Variants in PRTFDC1 observed in about 807,000 individuals in gnomAD.
PRTFDC1 encodes the protein phosphoribosyltransferase domain-containing protein 1.
A neutral mutation model predicts 34.6 loss-of-function variants in PRTFDC1; 38 were observed. The observed-to-expected ratio is 1.10, with a 90% CI of 0.85 to 1.44. The LOEUF (loss-of-function observed/expected upper bound fraction) is 1.44, where lower values mean the gene tolerates loss of function less well. Ranked by LOEUF, PRTFDC1 falls within the 40% of genes most tolerant of loss-of-function variation. PRTFDC1 has a pLI of 0.00. For synonymous variants in PRTFDC1, 93 were observed against 98.1 expected, an observed-to-expected ratio of 0.95 and a Z score of 0.31; for missense variants, 270 against 283.0, an observed-to-expected ratio of 0.95 and a Z score of 0.33.
chr10:24,862,243 A>G (rs1233495129), intron 4 of PRTFDC1, among the ~76,000 whole-genome samples: 1 of 152,196 alleles, frequency 6.6e-6, no homozygotes, highest in East Asian at 1.9e-4. Flanking sequence ...CCTACTATAT[A>G]TTCAAATTTC....
intron 3 of PRTFDC1, among the ~76,000 whole-genome samples, chr10:24,890,050 G>A (rs1848234497): frequency 6.6e-6 from 1 of 152,176 alleles, no homozygotes; most frequent in African/African-American, 2.4e-5. Flanking sequence ...AGGAATAAAT[G>A]TATCCTCTAA....
chr10:24,938,089 G>A (rs1017210868), intron 2 of PRTFDC1, among the ~76,000 whole-genome samples: 1 of 151,828 alleles, frequency 6.6e-6, no homozygotes, highest in African/African-American at 2.4e-5. Flanking sequence ...AGCCGGGCAT[G>A]GTGGCGGGTG....
At chr10:24,939,233 G>A (rs1009998966) in intron 2 of PRTFDC1, among the ~76,000 whole-genome samples, 2 of 150,596 alleles carry the variant, frequency 1.3e-5, no homozygotes, top group African/African-American at 2.4e-5. Flanking sequence ...CCCAGGAGGC[G>A]GAGGTTGCAG....
intron 2 of PRTFDC1, among the ~76,000 whole-genome samples, chr10:24,941,563 T>C (rs546246471): frequency 4.5e-4 from 68 of 152,206 alleles, no homozygotes; most frequent in African/African-American, 1.6e-3. Flanking sequence ...CCCTAGAATA[T>C]CGATTTGAAA....
chr10:24,892,277 G>A (rs1848276202), intron 3 of PRTFDC1, among the ~76,000 whole-genome samples: 1 of 152,138 alleles, frequency 6.6e-6, no homozygotes, highest in Non-Finnish European at 1.5e-5. Flanking sequence ...ATGAGCCATT[G>A]CAACTGACCT....
At chr10:24,874,070 GC>G (rs1847922037) in intron 3 of PRTFDC1, among the ~76,000 whole-genome samples, 1 of 151,412 alleles carries the variant, frequency 6.6e-6, no homozygotes, top group South Asian at 2.1e-4. Context: ...ACTATGCCTG[GC>G]CAAATATATT....
intron 3 of PRTFDC1, among the ~76,000 whole-genome samples, chr10:24,896,152 TG>T (rs1379124738): frequency 6.6e-6 from 1 of 152,100 alleles, no homozygotes; most frequent in Non-Finnish European, 1.5e-5. Flanking sequence ...CTGTGGTCGT[TG>T]GGAACAGGGC....
chr10:24,855,284 C>A (rs768812170), intron 7 of PRTFDC1, 34 bp downstream of exon 7: 2 of 1,591,610 alleles, frequency 1.3e-6, no homozygotes, highest in South Asian at 2.2e-5. Flanking sequence ...ACAAAACAAA[C>A]AAACAAACAA....
chr10:24,947,897 C>T (rs1446018859), intron 1 of PRTFDC1, among the ~76,000 whole-genome samples: 2 of 152,024 alleles, frequency 1.3e-5, no homozygotes, highest in Non-Finnish European at 2.9e-5. Flanking sequence ...GGGAAGGGCC[C>T]CACCTCACAA....
At chr10:24,904,261 TACAC>T (rs10585982) in intron 3 of PRTFDC1, among the ~76,000 whole-genome samples, 70,390 of 147,974 alleles carry the variant, frequency 0.48, 16,857 homozygotes, top group Non-Finnish European at 0.52. Context: ...TAAAATGTAA[TACAC>T]ACACACACAC....
intron 3 of PRTFDC1, chr10:24,908,309 C>G (rs1848567893): frequency 1.4e-6 from 1 of 711,334 alleles, no homozygotes; most frequent in Non-Finnish European, 2.2e-6. Context: ...CATTGTATTT[C>G]AAGGCAATAT....
At chr10:24,947,653 T>C (rs889025850) in intron 1 of PRTFDC1, among the ~76,000 whole-genome samples, 1 of 152,078 alleles carries the variant, frequency 6.6e-6, no homozygotes, top group Non-Finnish European at 1.5e-5. Flanking sequence ...TTAGACTATT[T>C]TTTGCATCAT....
At chr10:24,899,090 T>C (rs1431856524) in intron 3 of PRTFDC1, among the ~76,000 whole-genome samples, 1 of 152,182 alleles carries the variant, frequency 6.6e-6, no homozygotes, top group African/African-American at 2.4e-5. Flanking sequence ...TATGGCACTT[T>C]GTTACAGCAG....
chr10:24,863,117 G>A (rs559025411), intron 4 of PRTFDC1, among the ~76,000 whole-genome samples: 1 of 152,300 alleles, frequency 6.6e-6, no homozygotes, highest in African/African-American at 2.4e-5. Context: ...GACCTCAGGT[G>A]ATCCGCTGGC....
chr10:24,882,681 AT>A (rs1382849456), intron 3 of PRTFDC1, among the ~76,000 whole-genome samples: 1 of 151,726 alleles, frequency 6.6e-6, no homozygotes, highest in Non-Finnish European at 1.5e-5. Context: ...ATTTTTATTT[AT>A]TTTTTTAGAG....
intron 3 of PRTFDC1, among the ~76,000 whole-genome samples, chr10:24,897,676 G>C (rs74424565): frequency 1.3e-5 from 2 of 152,034 alleles, no homozygotes; most frequent in African/African-American, 4.8e-5. Flanking sequence ...ACAATGAGGT[G>C]GCCCTTTTGG....
chr10:24,928,587 G>C (rs1282545775), intron 3 of PRTFDC1, among the ~76,000 whole-genome samples: 1 of 152,090 alleles, frequency 6.6e-6, no homozygotes, highest in Non-Finnish European at 1.5e-5. Flanking sequence ...GGGATTACAC[G>C]TGCCCACCAC....
chr10:24,867,103 T>A (rs536391803), intron 4 of PRTFDC1, among the ~76,000 whole-genome samples: 2 of 152,082 alleles, frequency 1.3e-5, no homozygotes, highest in African/African-American at 4.8e-5. Flanking sequence ...TAATCCCATG[T>A]CTTCAAGGGC....
intron 3 of PRTFDC1, among the ~76,000 whole-genome samples, chr10:24,890,736 TA>T (rs1848246270): frequency 2.0e-5 from 3 of 152,282 alleles, no homozygotes; most frequent in African/African-American, 7.2e-5. Context: ...TGGGAGGAGT[TA>T]AAGGCCAGAA....
Sources: allele counts gnomAD v4.1 joint callset (sites outside exome capture counted in the v4.1 genomes callset), GRCh38; gene constraint gnomAD v4.1.1; transcripts MANE v1.5; gene names NCBI Gene and HGNC (gene_info 2026-07-23, HGNC 2026-07-21).